The following ANKS6 variants were observed in gnomAD, a reference collection of about 807,000 sequenced individuals.
ANKS6 encodes the protein ankyrin repeat and sterile alpha motif domain containing 6, also known as ankyrin repeat and SAM domain-containing protein 6.
Under a neutral mutation model 77.9 loss-of-function variants are expected in ANKS6, and 47 were observed. The ratio of observed to expected loss-of-function variants is 0.60; its 90% CI spans 0.48 to 0.77. The LOEUF (loss-of-function observed/expected upper bound fraction) is 0.77, where lower values mean the gene tolerates loss of function less well. Ranked by LOEUF, ANKS6 falls within the 30% of genes least tolerant of loss-of-function variation. The pLI is 0.00. For synonymous variants in ANKS6, 488 were observed against 501.7 expected (o/e 0.97, Z 0.37); for missense variants, 1,150 against 1,159.1 (o/e 0.99, Z 0.11).
intron 11 of ANKS6, among the ~76,000 whole-genome samples, chr9:98,765,468 G>C (rs943326706): frequency 6.6e-6 from 1 of 152,162 alleles, no homozygotes; most frequent in African/African-American, 2.4e-5. Flanking sequence ...TTCAGCCACT[G>C]CCCTGAGAAC....
Position 98,735,388 on chromosome 9 carries a change from G to C in ANKS6, c.*1131C>G. On this transcript the variant is annotated 3_prime_UTR_variant, in exon 15 of 15. Coordinates refer to ENST00000353234, the MANE Select transcript of ANKS6 (RefSeq NM_173551.5). ...AATGCAACAAGCACTGGCTGAATGA[G>C]TCATTCACTGGAAAACACTTCAGAA... The C allele has an allele frequency of 9.0e-7, 1 of 1,111,944 alleles. No homozygotes were observed. The highest frequency in any genetic ancestry group is 1.1e-6 in the Non-Finnish European group (1 of 913,268). 68.9% of individuals were successfully genotyped at this position (1,111,944 alleles called of 1,614,324 possible).
chr9:98,772,392 G>C (rs1021524972), intron 9 of ANKS6, among the ~76,000 whole-genome samples: 1 of 152,228 alleles, frequency 6.6e-6, no homozygotes, highest in Non-Finnish European at 1.5e-5. Flanking sequence ...GGAGCCTCCC[G>C]AGGGAGCAGG....
chr9:98,735,909 T>G lies in ANKS6; in HGVS notation c.*610A>C. 1 of 1,231,428 alleles carries G rather than the reference T, an allele frequency of 8.1e-7. No individual in the cohort carries two copies. Among genetic ancestry groups the G allele is most frequent in the Non-Finnish European group, 1.0e-6 (1 of 988,358 alleles). 76.3% of individuals were successfully genotyped at this position (1,231,428 alleles called of 1,614,324 possible). A position where few individuals can be genotyped will look rare whatever the true frequency, so the allele number is the denominator to read the frequency against. On this transcript the variant is annotated 3_prime_UTR_variant, in exon 15 of 15. Coordinates refer to ENST00000353234, the MANE Select transcript of ANKS6 (RefSeq NM_173551.5). ...TGGCTGAAAGGGGGTCAAAAAAGAC[T>G]TCATCTGAGAGGTGACTTGGACTAG... is the stretch of plus-strand genomic sequence containing the variant.
intron 9 of ANKS6, among the ~76,000 whole-genome samples, chr9:98,773,290 G>A (rs760809840): frequency 6.6e-6 from 1 of 152,132 alleles, no homozygotes; most frequent in Non-Finnish European, 1.5e-5. Context: ...AGCACATGGC[G>A]ACAGGGTCAG....
intron 4 of ANKS6, 179 bp downstream of exon 4, chr9:98,783,773 GA>G (rs1564219027): frequency 2.1e-6 from 1 of 472,142 alleles, no homozygotes. Flanking sequence ...TCTGGACACA[GA>G]AGGGTGGGAC....
chr9:98,771,123 T>A, intron 9 of ANKS6, 77 bp from the exon 10 acceptor site: 1 of 1,387,284 alleles, frequency 7.2e-7, no homozygotes. Context: ...GTGTGGGGGT[T>A]CCTGTGCTCA....
At chr9:98,750,422 G>A (rs1832365047) in intron 13 of ANKS6, among the ~76,000 whole-genome samples, 3 of 152,240 alleles carry the variant, frequency 2.0e-5, no homozygotes, top group South Asian at 2.1e-4. Context: ...TTCATTAGTC[G>A]ATGGACATTT....
intron 1 of ANKS6, among the ~76,000 whole-genome samples, chr9:98,793,316 G>A (rs766275573): frequency 5.1e-4 from 78 of 152,324 alleles, no homozygotes; most frequent in Non-Finnish European, 1.0e-3. Flanking sequence ...CTCCCTAGGT[G>A]TGAATCTGAC....
At chr9:98,741,827 T>G (rs752629595) in intron 14 of ANKS6, among the ~76,000 whole-genome samples, 1 of 152,218 alleles carries the variant, frequency 6.6e-6, no homozygotes, top group Non-Finnish European at 1.5e-5. Context: ...CTGATGTTAT[T>G]ACATTATGAG....
In ANKS6 at chr9:98,786,412, T is replaced by G. The variant is rs368864372; in HGVS notation, c.863-1536A>C. Among the ~76,000 whole-genome samples the G allele has an allele frequency of 2.3e-4, 35 of 152,002 alleles. 1 individual carries two copies. In the South Asian group the frequency reaches 7.3e-3, roughly 32 times the overall value. On this transcript the variant is annotated intron_variant, in intron 2 of 14. Transcript: ENST00000353234. ...GTTCAAGCGATTCTCCTGCCTCTGC[T>G]TCCAGAACAGCTGGGATTACAGGCA...
In ANKS6 at chr9:98,796,403, T is replaced by C; in HGVS notation, c.89A>G (p.Glu30Gly). The C allele has an allele frequency of 1.0e-6, 1 of 996,634 alleles. No individual in the cohort carries two copies. The highest frequency in any genetic ancestry group is 1.2e-6 in the Non-Finnish European group (1 of 839,766). The allele number at this position is 996,634 out of a possible 1,614,324, so 61.7% of individuals were successfully genotyped here. Residue 30 changes from glutamate to glycine, a missense_variant, in exon 1 of 15, where the codon GAG becomes GGG. Physicochemically the swap from Glu to Gly is moderately conservative, Grantham distance 98 (BLOSUM62 -2). Transcript: ENST00000353234. ...GDTETARRLL[E>G]PGAAEPAERG... Reference sequence around the variant, plus strand: ...CTCGGCTGGCTCCGCCGCCCCCGGCTCCAGCAGCCGCCGCGCCGTCTCCGT... The same window carrying C: ...CTCGGCTGGCTCCGCCGCCCCCGGCCCCAGCAGCCGCCGCGCCGTCTCCGT...
rs1834910261 is a variant in ANKS6, at chr9:98,791,665, C to T, written c.360-1059G>A. On this transcript the variant is annotated intron_variant, in intron 1 of 14. Coordinates refer to ENST00000353234, the MANE Select transcript of ANKS6 (RefSeq NM_173551.5). This position sits in a 1 kb window ranked among gnomAD's most constrained non-coding sequence, Gnocchi z 4.3. ...GTTTTCGAGACCACAAAGCCACTGT[C>T]ATGTCTGCATCTGTGAGGCAGCTTT... Among the ~76,000 whole-genome samples, 1 of 152,198 alleles carries T rather than the reference C, an allele frequency of 6.6e-6. No individual in the cohort carries two copies. Among genetic ancestry groups the T allele is most frequent in the Admixed American group, 6.5e-5 (1 of 15,278 alleles).
chr9:98,793,588 T>C (rs1213885438), intron 1 of ANKS6, among the ~76,000 whole-genome samples: 1 of 152,040 alleles, frequency 6.6e-6, no homozygotes, highest in Middle Eastern at 3.2e-3. Flanking sequence ...TGGCGCGATC[T>C]CAGCTTACTG....
At chr9:98,746,867 G>C (rs1197488560) in intron 13 of ANKS6, among the ~76,000 whole-genome samples, 18 of 152,156 alleles carry the variant, frequency 1.2e-4, no homozygotes, top group Admixed American at 1.2e-3. Flanking sequence ...TCACAAATCA[G>C]ACTCCAACAA....
Position 98,790,381 on chromosome 9 carries a change from C to G in ANKS6, c.585G>C (p.Leu195=). The G allele has an allele frequency of 1.2e-6, 2 of 1,613,720 alleles. No homozygotes were observed. The highest frequency in any genetic ancestry group is 1.1e-5 in the South Asian group (1 of 91,080). ...SRDEPLDITA[L]MAAIQHGHEA... ...CGTGCCCGTGCTGGATGGCAGCCAT[C>G]AGGGCTGTGATGTCCAAGGGCTCAT... Residue 195 remains leucine (L), a synonymous_variant, in exon 2 of 15, where the codon CTG becomes CTC. Coordinates refer to ENST00000353234, the MANE Select transcript of ANKS6 (RefSeq NM_173551.5).
chr9:98,732,494 T>G lies in ANKS6; in HGVS notation c.*4025A>C, dbSNP rs1400628090. On this transcript the variant is annotated 3_prime_UTR_variant, in exon 15 of 15. Transcript: ENST00000353234. ...GGGCTCCGATGCCAGCAGAGCCACCTGAGCGGCTGCTACCTCTTGCCGGAG... is the reference window on the plus strand; with the variant it reads ...GGGCTCCGATGCCAGCAGAGCCACCGGAGCGGCTGCTACCTCTTGCCGGAG... 3 of 1,550,536 alleles carry G rather than the reference T, an allele frequency of 1.9e-6. No homozygotes were observed. The highest frequency in any genetic ancestry group is 2.6e-6 in the Non-Finnish European group (3 of 1,146,972).
At chr9:98,771,358 C>T (rs1205018032) in intron 9 of ANKS6, among the ~76,000 whole-genome samples, 6 of 152,208 alleles carry the variant, frequency 3.9e-5, no homozygotes, top group African/African-American at 1.4e-4. Context: ...TGACAACCCA[C>T]GGAGGCCTCA....
intron 1 of ANKS6, among the ~76,000 whole-genome samples, chr9:98,795,812 G>A (rs1345477117): frequency 6.6e-6 from 1 of 152,158 alleles, no homozygotes; most frequent in African/African-American, 2.4e-5. Context: ...AAGCCAGGAA[G>A]GGAAGGCAGG....
At chr9:98,745,796 ACTACTT>A in intron 13 of ANKS6, 121 bp from the exon 14 acceptor site, 1 of 732,514 alleles carries the variant, frequency 1.4e-6, no homozygotes, top group Non-Finnish European at 2.4e-6. Context: ...ATGATGATTT[ACTACTT>A]CTAAGTCCTG....
Sources: gnomAD v4.1 joint callset for allele counts (sites outside exome capture counted in the v4.1 genomes callset) on GRCh38, gnomAD v4.1.1 for gene constraint, Gnocchi (gnomAD v3.1) non-coding constraint, MANE v1.5 for transcripts, NCBI Gene and HGNC (gene_info 2026-07-23, HGNC 2026-07-21) for gene names.